TBC1D22A: variants seen among roughly 807,000 people sequenced by gnomAD.
The protein encoded by TBC1D22A is putative GTPase activator.
In TBC1D22A, 38 loss-of-function variants were observed where a neutral mutation model predicts 60.2. That is an observed-to-expected ratio of 0.63 (90% confidence interval 0.49 to 0.83). The LOEUF (loss-of-function observed/expected upper bound fraction) is 0.83, where lower values mean the gene tolerates loss of function less well. Ranked by LOEUF, TBC1D22A falls within the 40% of genes least tolerant of loss-of-function variation. The probability of loss-of-function intolerance (pLI) is 0.00; values close to 1 mark genes in which losing one functional copy is unlikely to be tolerated. For synonymous variants in TBC1D22A, 302 were observed against 281.7 expected, an observed-to-expected ratio of 1.07 and a Z score of -0.72; for missense variants, 628 against 701.0, an observed-to-expected ratio of 0.90 and a Z score of 1.18.
At chr22:47,114,560 C>T (rs1024544907) in intron 12 of TBC1D22A, among the ~76,000 whole-genome samples, 4 of 151,880 alleles carry the variant, frequency 2.6e-5, no homozygotes, top group African/African-American at 9.7e-5. Flanking sequence ...CTGGTGAGCA[C>T]GGGGAATGTG....
rs190514055 is a variant in TBC1D22A, at chr22:46,925,956, A to G, written c.1015+13768A>G. The stretch of plus-strand genomic sequence containing the variant: ...TAATACTTTTGAGAAGATGGAGTTT[A>G]TACAAAGTGTGTTCTTTGACCACAG... On this transcript the variant is annotated intron_variant, in intron 8 of 12. Coordinates refer to ENST00000337137, the MANE Select transcript of TBC1D22A (RefSeq NM_014346.5). Among the ~76,000 whole-genome samples, 330 of 152,350 alleles carry G rather than the reference A, an allele frequency of 2.2e-3. 3 individuals carry two copies. Among genetic ancestry groups the G allele is most frequent in the Admixed American group, 3.9e-3 (60 of 15,304 alleles).
chr22:47,087,697 CCACAAATTCT>C (rs2064753113), intron 11 of TBC1D22A, among the ~76,000 whole-genome samples: 1 of 152,046 alleles, frequency 6.6e-6, no homozygotes, highest in South Asian at 2.1e-4. Context: ...GTTAGAGGAA[CCACAAATTCT>C]AACAAATTCT....
intron 11 of TBC1D22A, among the ~76,000 whole-genome samples, chr22:47,064,704 G>T (rs1423705228): frequency 2.6e-5 from 4 of 152,146 alleles, no homozygotes; most frequent in Non-Finnish European, 2.9e-5. Flanking sequence ...GAATCCTAGG[G>T]GCATCTGGGT....
intron 11 of TBC1D22A, among the ~76,000 whole-genome samples, chr22:47,037,689 G>A (rs1034334969): frequency 3.3e-5 from 5 of 152,148 alleles, no homozygotes; most frequent in Non-Finnish European, 7.4e-5. Context: ...TATCTGAGAA[G>A]ATGTAAAACA....
intron 1 of TBC1D22A, among the ~76,000 whole-genome samples, chr22:46,782,140 C>T (rs1041847009): frequency 1.3e-5 from 2 of 152,208 alleles, no homozygotes; most frequent in Admixed American, 1.3e-4. Context: ...CTGCAACCTC[C>T]GCCTCCTGGG....
At chr22:46,765,329 G>A (rs1192351521) in intron 1 of TBC1D22A, among the ~76,000 whole-genome samples, 1 of 152,214 alleles carries the variant, frequency 6.6e-6, no homozygotes, top group East Asian at 1.9e-4. Context: ...AGTGGTGATT[G>A]GTCACTAGCT....
chr22:46,928,493 T>C (rs947895655), intron 8 of TBC1D22A, among the ~76,000 whole-genome samples: 5 of 152,214 alleles, frequency 3.3e-5, no homozygotes, highest in African/African-American at 1.2e-4. Flanking sequence ...GAGGAAATCT[T>C]CATGACCTTG....
At chr22:47,001,586 C>G (rs1307865809) in intron 10 of TBC1D22A, among the ~76,000 whole-genome samples, 1 of 151,988 alleles carries the variant, frequency 6.6e-6, no homozygotes, top group East Asian at 1.9e-4. Flanking sequence ...AGGTCAGCTT[C>G]TGAGAACCTG....
intron 10 of TBC1D22A, among the ~76,000 whole-genome samples, chr22:47,010,590 A>G (rs1164548299): frequency 6.6e-6 from 1 of 152,116 alleles, no homozygotes; most frequent in Non-Finnish European, 1.5e-5. Flanking sequence ...AGGTCTTCAC[A>G]GTTGAACATG....
intron 11 of TBC1D22A, among the ~76,000 whole-genome samples, chr22:47,063,589 C>T (rs1171783316): frequency 6.6e-6 from 1 of 152,128 alleles, no homozygotes; most frequent in Non-Finnish European, 1.5e-5. Context: ...AGCCTGGGTG[C>T]CCCTCCAGTC....
intron 7 of TBC1D22A, among the ~76,000 whole-genome samples, chr22:46,910,452 G>A (rs2147773242): frequency 6.6e-6 from 1 of 152,288 alleles, no homozygotes; most frequent in African/African-American, 2.4e-5. Flanking sequence ...AAGTGTAGTT[G>A]GCTCTGCGGG....
rs531360168 is a variant in TBC1D22A, at chr22:46,775,126, G to T, written c.62+12278G>T. Among the ~76,000 whole-genome samples, 4 of 152,372 alleles carry T rather than the reference G, an allele frequency of 2.6e-5. No homozygotes were observed. The East Asian group carries it at 5.8e-4, about 22-fold the overall frequency. ...AGCCATCAGTGGCTCGGGATGTGTG[G>T]AGAGGACAGGGCAGAGGACCCGGTC... is the stretch of plus-strand genomic sequence containing the variant. On this transcript the variant is annotated intron_variant, in intron 1 of 12. Coordinates refer to ENST00000337137, the MANE Select transcript of TBC1D22A (RefSeq NM_014346.5).
At chr22:46,931,444 A>G (rs2071350614) in intron 8 of TBC1D22A, among the ~76,000 whole-genome samples, 1 of 152,244 alleles carries the variant, frequency 6.6e-6, no homozygotes, top group Non-Finnish European at 1.5e-5. Flanking sequence ...AAATAAACCA[A>G]CAAATACATA....
Position 47,028,284 on chromosome 22 carries a change from C to T in TBC1D22A, c.1202-8787C>T, listed in dbSNP as rs2062328798. Among the ~76,000 whole-genome samples, 1 of 152,146 alleles carries T rather than the reference C, an allele frequency of 6.6e-6. No individual in the cohort carries two copies. Among genetic ancestry groups the T allele is most frequent in the South Asian group, 2.1e-4 (1 of 4,824 alleles). On this transcript the variant is annotated intron_variant, in intron 10 of 12. Coordinates refer to ENST00000337137, the MANE Select transcript of TBC1D22A (RefSeq NM_014346.5). The surrounding 1 kb of genome is among the most constrained non-coding windows in gnomAD (Gnocchi z 4.4). ...TGCCAGGAGGATTTATTTCATTCTG[C>T]ACTCATGTTTACTGAGATTCTGAGA...
At chr22:47,139,466 C>T (rs1239361367) in intron 12 of TBC1D22A, among the ~76,000 whole-genome samples, 5 of 152,176 alleles carry the variant, frequency 3.3e-5, no homozygotes, top group African/African-American at 4.8e-5. Flanking sequence ...AGGGGCTGGT[C>T]GGGGCGGCCT....
intron 11 of TBC1D22A, among the ~76,000 whole-genome samples, chr22:47,066,100 A>T (rs955660058): frequency 6.6e-6 from 1 of 152,248 alleles, no homozygotes; most frequent in South Asian, 2.1e-4. Flanking sequence ...GATGTCATCA[A>T]AACACTTTGC....
chr22:46,861,835 C>T (rs1420490566), intron 4 of TBC1D22A, among the ~76,000 whole-genome samples: 1 of 152,200 alleles, frequency 6.6e-6, no homozygotes, highest in Non-Finnish European at 1.5e-5. Context: ...TGGCTATGAT[C>T]GGTGTTGACC....
chr22:46,987,907 T>C (rs2074787845), intron 9 of TBC1D22A, among the ~76,000 whole-genome samples: 1 of 152,214 alleles, frequency 6.6e-6, no homozygotes, highest in African/African-American at 2.4e-5. Flanking sequence ...AGGACTTCTT[T>C]CAAAACCCCG....
At chr22:47,151,023 C>T (rs2067480626) in intron 12 of TBC1D22A, among the ~76,000 whole-genome samples, 1 of 152,142 alleles carries the variant, frequency 6.6e-6, no homozygotes, top group South Asian at 2.1e-4. Context: ...GATGCTGGGG[C>T]CATGGGGTCT....
Sources: allele counts gnomAD v4.1 joint callset (sites outside exome capture counted in the v4.1 genomes callset), GRCh38; gene constraint gnomAD v4.1.1; non-coding constraint Gnocchi (gnomAD v3.1); transcripts MANE v1.5; gene names NCBI Gene and HGNC (gene_info 2026-07-23, HGNC 2026-07-21).